The following MKRN2OS variants were observed in gnomAD, a reference collection of about 807,000 sequenced individuals.
MKRN2OS encodes the protein MKRN2 opposite strand, also known as MKRN2 opposite strand protein.
A neutral mutation model predicts 18.2 loss-of-function variants in MKRN2OS; 17 were observed. The ratio of observed to expected loss-of-function variants is 0.93; its 90% CI spans 0.64 to 1.40. The LOEUF is 1.40. Ranked by LOEUF, MKRN2OS falls within the 40% of genes most tolerant of loss-of-function variation. The pLI, the probability that MKRN2OS is intolerant of heterozygous loss-of-function variation, is 0.00. For missense variants in MKRN2OS, 337 were observed against 283.0 expected (o/e 1.19, Z -1.37); for synonymous variants, 121 against 108.5 (o/e 1.12, Z -0.72).
rs1247860256 is a variant in MKRN2OS, at chr3:12,540,063, G to GTCCATACA, written c.*129_*130insTGTATGGA. ...GCTTCCCAAAGTGCTGGGATTACAG[G>GTCCATACA]TGTGAGCCACCATGCCCGGCCCATA... On this transcript the variant is annotated 3_prime_UTR_variant, in exon 4 of 4. Transcript: ENST00000564146. 45 of 1,340,080 alleles carry GTCCATACA rather than the reference G, an allele frequency of 3.4e-5. No homozygotes were observed. Among genetic ancestry groups the GTCCATACA allele is most frequent in the Non-Finnish European group, 5.1e-6 (5 of 989,876 alleles). The allele number at this position is 1,340,080 out of a possible 1,614,324, so 83.0% of individuals were successfully genotyped here.
chr3:12,548,434 C>CGA (rs2057902940), upstream of MKRN2OS, among the ~76,000 whole-genome samples: 2 of 135,880 alleles, frequency 1.5e-5, no homozygotes, highest in Admixed American at 8.6e-5. Flanking sequence ...GGCGACAGAG[C>CGA]GAGACTCCGT....
chr3:12,547,669 C>T (rs2057896414), upstream of MKRN2OS, among the ~76,000 whole-genome samples: 1 of 152,154 alleles, frequency 6.6e-6, no homozygotes, highest in African/African-American at 2.4e-5. Flanking sequence ...TGGGAACCCA[C>T]ATTTTGGTTG....
At chr3:12,554,126 T>G (rs2057948752) in exon 2 of MKRN2OS, 1 of 152,208 alleles carries the variant, frequency 6.6e-6, no homozygotes, top group African/African-American at 2.4e-5. Context: ...GGTAGCAAAG[T>G]TGCTTTTCCT....
intron 1 of MKRN2OS, chr3:12,557,049 G>T: frequency 1.6e-6 from 2 of 1,274,690 alleles, no homozygotes; most frequent in East Asian, 3.2e-5. Context: ...GCGTGCGCCG[G>T]CGTGACGCGG....
chr3:12,553,807 A>T (rs1424862017), exon 2 of MKRN2OS: 1 of 152,236 alleles, frequency 6.6e-6, no homozygotes, highest in East Asian at 1.9e-4. Flanking sequence ...TTAATTCAAA[A>T]TTTAGCATGG....
At chr3:12,557,238 C>T in intron 1 of MKRN2OS, 3 of 1,513,514 alleles carry the variant, frequency 2.0e-6, no homozygotes, top group South Asian at 2.5e-5. Context: ...GGCCGGTGCG[C>T]GCCAGTGCTG....
At chr3:12,552,769 T>G (rs2057939091), downstream of MKRN2OS, among the ~76,000 whole-genome samples, 1 of 151,736 alleles carries the variant, frequency 6.6e-6, no homozygotes, top group South Asian at 2.1e-4. Flanking sequence ...ATGCCTGTAA[T>G]CCTAGCACTT....
At chr3:12,547,926 A>G (rs1303308007), upstream of MKRN2OS, among the ~76,000 whole-genome samples, 2 of 152,142 alleles carry the variant, frequency 1.3e-5, no homozygotes, top group Non-Finnish European at 2.9e-5. Context: ...ATTTCAACCA[A>G]CCTTCTCTTG....
downstream of MKRN2OS, among the ~76,000 whole-genome samples, chr3:12,551,618 TATTTC>T (rs2125294411): frequency 6.6e-6 from 1 of 151,752 alleles, no homozygotes; most frequent in African/African-American, 2.4e-5. Flanking sequence ...AAAATAAACA[TATTTC>T]AATGAAGGAT....
chr3:12,542,122 G>C, intron 2 of MKRN2OS, 100 bp from the exon 3 acceptor site: 22 of 1,218,212 alleles, frequency 1.8e-5, no homozygotes, highest in Non-Finnish European at 2.4e-5. Flanking sequence ...GTAACTTTAC[G>C]TAACATAAAT....
At chr3:12,549,090 A>G (rs1029148418), upstream of MKRN2OS, among the ~76,000 whole-genome samples, 1 of 151,710 alleles carries the variant, frequency 6.6e-6, no homozygotes, top group African/African-American at 2.4e-5. Flanking sequence ...ACCCACCATC[A>G]CACCTGACTA....
At chr3:12,555,008 T>C (rs17036922) in intron 1 of MKRN2OS, among the ~76,000 whole-genome samples, 22,338 of 152,174 alleles carry the variant, frequency 0.15, 1,801 homozygotes, top group Admixed American at 0.22. Context: ...ATAAGCTGAA[T>C]TTTAAAAATA....
At chr3:12,543,420 C>T (rs2057842868) in intron 1 of MKRN2OS, among the ~76,000 whole-genome samples, 191 bp from the exon 2 acceptor site, 1 of 151,948 alleles carries the variant, frequency 6.6e-6, no homozygotes, top group African/African-American at 2.4e-5. Flanking sequence ...GACCCCATCT[C>T]TACTAAAAAT....
At chr3:12,556,723 A>G (rs941671034) in intron 1 of MKRN2OS, among the ~76,000 whole-genome samples, 18 of 152,014 alleles carry the variant, frequency 1.2e-4, no homozygotes, top group African/African-American at 4.3e-4. Flanking sequence ...ATGAATGGAT[A>G]GGGGCATCCG....
Position 12,540,214 on chromosome 3 carries a change from A to G in MKRN2OS, c.651T>C (p.Pro217=), listed in dbSNP as rs758737215. 1 of 1,535,478 alleles carries G rather than the reference A, an allele frequency of 6.5e-7. No homozygotes were observed. The highest frequency in any genetic ancestry group is 1.2e-5 in the South Asian group (1 of 84,054). The change falls in exon 4 of 4, where the codon CCT becomes CCC. Residue 217 remains proline (P), a synonymous_variant. Coordinates refer to ENST00000564146, the MANE Select transcript of MKRN2OS (RefSeq NM_001195279.2). ...TDCPQQQAQP[P]EGGGLC Reference sequence around the variant, plus strand: ...GCTCTCAGCACAAACCGCCGCCCTCAGGGGGTTGTGCCTGCTGCTGGGGAC... The same window carrying G: ...GCTCTCAGCACAAACCGCCGCCCTCGGGGGGTTGTGCCTGCTGCTGGGGAC...
chr3:12,546,143 T>G (rs1015181627), upstream of MKRN2OS, among the ~76,000 whole-genome samples: 1 of 152,242 alleles, frequency 6.6e-6, no homozygotes, highest in African/African-American at 2.4e-5. Flanking sequence ...GTCTGTGAGC[T>G]TCTTGAAATT....
intron 1 of MKRN2OS, among the ~76,000 whole-genome samples, chr3:12,543,681 T>A (rs1218292982): frequency 2.0e-5 from 3 of 150,772 alleles, no homozygotes; most frequent in Non-Finnish European, 2.9e-5. Flanking sequence ...AGGCCAGGAG[T>A]TCGAGACCAG....
chr3:12,542,150 G>A lies in MKRN2OS; in HGVS notation c.269-128C>T, dbSNP rs1302613658. The A allele has an allele frequency of 4.2e-6, 4 of 946,270 alleles. No individual in the cohort carries two copies. The African/African-American group carries it at 6.6e-5, about 16-fold the overall frequency. The allele number at this position is 946,270 out of a possible 1,614,324, so 58.6% of individuals were successfully genotyped here. On this transcript the variant is annotated intron_variant, in intron 2 of 3. Transcript: ENST00000564146. ...ACATAAATCCAGGGTGGAGGTTCTA[G>A]AATCTTCCATCCACCTAATGAGATT...
chr3:12,544,321 C>T (rs191538605), intron 1 of MKRN2OS, among the ~76,000 whole-genome samples: 121 of 152,234 alleles, frequency 7.9e-4, no homozygotes, highest in Non-Finnish European at 1.4e-3. Flanking sequence ...CCATGCTCAC[C>T]TAAAGCCTGG....
Sources: allele counts gnomAD v4.1 joint callset (sites outside exome capture counted in the v4.1 genomes callset), GRCh38; gene constraint gnomAD v4.1.1; transcripts MANE v1.5; gene names NCBI Gene and HGNC (gene_info 2026-07-23, HGNC 2026-07-21).